PAX5: variants seen among roughly 807,000 people sequenced by gnomAD.
The protein encoded by PAX5 is paired box protein Pax-5.
Under a neutral mutation model 43.7 loss-of-function variants are expected in PAX5, and 9 were observed. The observed-to-expected ratio is 0.21, with a 90% CI of 0.12 to 0.36. The LOEUF is 0.36. PAX5 is among the 10% of genes least tolerant of loss of function. The probability of loss-of-function intolerance (pLI) is 1.00; values close to 1 mark genes in which losing one functional copy is unlikely to be tolerated. For missense variants in PAX5, 383 were observed against 532.7 expected (o/e 0.72, Z 2.77); for synonymous variants, 228 against 214.3 (o/e 1.06, Z -0.56).
chr9:37,031,550 G>A (rs1293314598), intron 1 of PAX5, among the ~76,000 whole-genome samples: 2 of 152,116 alleles, frequency 1.3e-5, no homozygotes, highest in South Asian at 2.1e-4. Flanking sequence ...TTTCTCCAAG[G>A]GGGTCCATGG....
chr9:36,900,535 C>T (rs1359010539), intron 7 of PAX5, among the ~76,000 whole-genome samples: 2 of 152,192 alleles, frequency 1.3e-5, no homozygotes, highest in African/African-American at 4.8e-5. Context: ...AGAGAGAATT[C>T]TGTTGTTTAC....
chr9:36,877,158 A>G (rs1433050379), intron 8 of PAX5, among the ~76,000 whole-genome samples: 4 of 152,154 alleles, frequency 2.6e-5, no homozygotes, highest in Non-Finnish European at 5.9e-5. Flanking sequence ...ACAGTATGGC[A>G]AAACCCGTCT....
At chr9:36,911,895 G>T (rs887501800) in intron 7 of PAX5, among the ~76,000 whole-genome samples, 5 of 152,244 alleles carry the variant, frequency 3.3e-5, no homozygotes, top group Admixed American at 3.3e-4. Context: ...CCCAGCCCTT[G>T]AGACGCCCCA....
chr9:36,912,152 G>T (rs551198072), intron 7 of PAX5, among the ~76,000 whole-genome samples: 3 of 152,236 alleles, frequency 2.0e-5, no homozygotes, highest in Admixed American at 2.0e-4. Context: ...GCATCCCCAC[G>T]TAGAGAGCTG....
intron 7 of PAX5, among the ~76,000 whole-genome samples, chr9:36,894,038 C>G (rs557042830): frequency 6.0e-4 from 91 of 152,290 alleles, no homozygotes; most frequent in African/African-American, 2.1e-3. Flanking sequence ...ACAGAAAGAC[C>G]TCCAGGAGGT....
At chr9:36,911,816 G>A (rs1563959113) in intron 7 of PAX5, among the ~76,000 whole-genome samples, 1 of 152,194 alleles carries the variant, frequency 6.6e-6, no homozygotes, top group Non-Finnish European at 1.5e-5. Flanking sequence ...ATTTCCTGAG[G>A]AGGAAAACCC....
chr9:36,971,827 C>T (rs1025899226), intron 5 of PAX5, among the ~76,000 whole-genome samples: 4 of 152,174 alleles, frequency 2.6e-5, no homozygotes, highest in South Asian at 2.1e-4. Flanking sequence ...AAGCTAAAAG[C>T]TTTACACAAT....
At position 37,034,103 on chromosome 9, in the gene PAX5, T is replaced by G; in HGVS notation, c.-72A>C. ...TTTTTTGTGCCTTTTTTTTTCTTTT[T>G]TTTTTTTTTTTTTTTTTTTTTTTGG... On this transcript the variant is annotated 5_prime_UTR_variant, in exon 1 of 10. Transcript: ENST00000358127. 1.9e-6 allele frequency: 1 copy of G among 528,496 alleles called. No individual in the cohort carries two copies. The highest frequency in any genetic ancestry group is 3.0e-6 in the Non-Finnish European group (1 of 328,424). The allele number at this position is 528,496 out of a possible 1,614,324, so 32.7% of individuals were successfully genotyped here.
At chr9:36,996,385 C>T (rs1736286865) in intron 5 of PAX5, among the ~76,000 whole-genome samples, 1 of 152,260 alleles carries the variant, frequency 6.6e-6, no homozygotes, top group South Asian at 2.1e-4. Context: ...TAACTCGCTA[C>T]AAGAAGTCCT....
chr9:36,896,597 A>C (rs1241317870), intron 7 of PAX5, among the ~76,000 whole-genome samples: 2 of 152,122 alleles, frequency 1.3e-5, no homozygotes, highest in Non-Finnish European at 1.5e-5. Flanking sequence ...CTTCCCTGAG[A>C]AGCAGATCAG....
intron 5 of PAX5, among the ~76,000 whole-genome samples, chr9:36,985,465 T>C (rs1836312265): frequency 6.6e-6 from 1 of 152,130 alleles, no homozygotes; most frequent in African/African-American, 2.4e-5. Flanking sequence ...GAGAAGTCCA[T>C]TCCCTCACTA....
chr9:37,032,248 G>T (rs914611340), intron 1 of PAX5, among the ~76,000 whole-genome samples: 3 of 151,530 alleles, frequency 2.0e-5, no homozygotes, highest in Admixed American at 6.6e-5. Context: ...ACTAATCAAA[G>T]AGCCCATCGA....
At chr9:36,988,165 G>A (rs58455137) in intron 5 of PAX5, among the ~76,000 whole-genome samples, 2,269 of 152,250 alleles carry the variant, frequency 0.015, 49 homozygotes, top group African/African-American at 0.05. Context: ...CAAGGCCACG[G>A]CTGAGTCAGG....
intron 6 of PAX5, among the ~76,000 whole-genome samples, chr9:36,958,113 G>C (rs1833642067): frequency 6.6e-6 from 1 of 152,272 alleles, no homozygotes; most frequent in East Asian, 1.9e-4. Flanking sequence ...GAGCCTCATG[G>C]TCACAGTAGC....
intron 5 of PAX5, among the ~76,000 whole-genome samples, chr9:36,988,378 G>C (rs541807733): frequency 1.3e-5 from 2 of 151,988 alleles, no homozygotes; most frequent in Non-Finnish European, 2.9e-5. Context: ...TAAATAAAAT[G>C]ATCATTAAAA....
In PAX5 at chr9:36,881,997, A is replaced by G. The variant is rs1023906916; in HGVS notation, c.1012+7T>C. 3.7e-6 allele frequency: 6 copies of G among 1,606,104 alleles called. No individual in the cohort carries two copies. In the African/African-American group the frequency reaches 4.0e-5, roughly 11 times the overall value. On this transcript the variant is annotated splice_region_variant and intron_variant, in intron 8 of 9. Coordinates refer to ENST00000358127, the MANE Select transcript of PAX5 (RefSeq NM_016734.3). Reference sequence around the variant, plus strand: ...CTGCTGTGGAGACGCCGACAGTGCAAACTCACCAGGCACCATCCCTGTCAG... The same window carrying G: ...CTGCTGTGGAGACGCCGACAGTGCAGACTCACCAGGCACCATCCCTGTCAG...
chr9:37,003,059 G>A (rs1427497522), intron 4 of PAX5, among the ~76,000 whole-genome samples: 4 of 151,066 alleles, frequency 2.6e-5, no homozygotes, highest in African/African-American at 9.7e-5. Context: ...GGGACAGGAA[G>A]GGCTTTCGCT....
chr9:36,862,335 G>A (rs1251447885), intron 8 of PAX5, among the ~76,000 whole-genome samples: 1 of 152,164 alleles, frequency 6.6e-6, no homozygotes, highest in Admixed American at 6.5e-5. Flanking sequence ...ACAAGGGGGA[G>A]CCTGGTCAAT....
At chr9:36,973,878 T>C (rs549079328) in intron 5 of PAX5, among the ~76,000 whole-genome samples, 1 of 152,290 alleles carries the variant, frequency 6.6e-6, no homozygotes, top group East Asian at 1.9e-4. Context: ...TGGTGGCACA[T>C]GCCTGCAGCT....
Sources: allele counts gnomAD v4.1 joint callset (sites outside exome capture counted in the v4.1 genomes callset), GRCh38; gene constraint gnomAD v4.1.1; transcripts MANE v1.5; gene names NCBI Gene and HGNC (gene_info 2026-07-23, HGNC 2026-07-21).